POC1B: variants seen among roughly 807,000 people sequenced by gnomAD.
The protein encoded by POC1B is POC1 centriolar protein B.
POC1B carries 44 observed loss-of-function variants against 60.6 expected under a neutral mutation model. The observed-to-expected ratio is 0.73, with a 90% CI of 0.57 to 0.93. POC1B has a LOEUF of 0.93. Among genes scored for constraint, POC1B ranks in the 40% least tolerant of loss-of-function variants. The pLI, the probability that POC1B is intolerant of heterozygous loss-of-function variation, is 0.00. For synonymous variants in POC1B, 180 were observed against 198.9 expected, an observed-to-expected ratio of 0.90 and a Z score of 0.80; for missense variants, 555 against 572.3, an observed-to-expected ratio of 0.97 and a Z score of 0.31.
rs191070168 is a variant in POC1B at position 89,505,141 on chromosome 12, C to T, written c.101-7799G>A. 1.4e-4 allele frequency among the ~76,000 whole-genome samples: 21 copies of T among 152,184 alleles called. No individual in the cohort carries two copies. In the South Asian group the frequency reaches 1.9e-3, roughly 14 times the overall value. On this transcript the variant is annotated intron_variant, in intron 2 of 11. Transcript: ENST00000313546. ...TAAATTAAAACCACAATGAGATATC[C>T]GTGCACACTCATCAGAATGATTACA...
chr12:89,428,321 GA>G (rs1880861489), intron 10 of POC1B: 1 of 152,276 alleles, frequency 6.6e-6, no homozygotes, highest in South Asian at 2.1e-4. Context: ...CCCATCTTCA[GA>G]AATGCAGTCC....
At chr12:89,410,356 A>G in the POC1B span, among the ~76,000 whole-genome samples, 1 of 152,210 alleles carries the variant, frequency 6.6e-6, no homozygotes, top group Non-Finnish European at 1.5e-5. Flanking sequence ...ATCATACCAA[A>G]CGGGCAAAAG....
At chr12:89,486,440 CA>C (rs1228260248) in intron 4 of POC1B, among the ~76,000 whole-genome samples, 2 of 151,670 alleles carry the variant, frequency 1.3e-5, no homozygotes, top group Non-Finnish European at 2.9e-5. Flanking sequence ...AGGCACAAGG[CA>C]AAAAGGGTCA....
chr12:89,463,530 G>A (rs952707174), intron 9 of POC1B, among the ~76,000 whole-genome samples: 1 of 152,180 alleles, frequency 6.6e-6, no homozygotes, highest in Admixed American at 6.5e-5. Flanking sequence ...GCATGAACTA[G>A]TGATGTGCTA....
chr12:89,402,997 G>C, the POC1B span, among the ~76,000 whole-genome samples: 1 of 150,636 alleles, frequency 6.6e-6, no homozygotes, highest in Non-Finnish European at 1.5e-5. Flanking sequence ...ATCTTCACCT[G>C]GCCGACACAA....
At position 89,421,167 on chromosome 12, in the gene POC1B, G is replaced by A. The variant is rs148916260; in HGVS notation, c.1423C>T (p.Gln475Ter). 1.1e-5 allele frequency: 18 copies of A among 1,591,896 alleles called. No homozygotes were observed. In the African/African-American group the frequency reaches 1.9e-4, roughly 17 times the overall value. Residue 475 changes from glutamine to a stop codon, truncating the protein, a stop_gained, in exon 12 of 12, where the codon CAA (glutamine) becomes TAA (stop). Transcript: ENST00000313546. LOFTEE classifies it high-confidence loss of function. The part of the protein sequence containing the change: ...ENQQKLFSAV[Q>*]QKS The stretch of plus-strand genomic sequence containing the variant: ...GAATTTTTTATTCAGCTTTTCTGTT[G>A]GACAGCACTGAAAAGCTTTTGCTGA...
downstream of POC1B, among the ~76,000 whole-genome samples, chr12:89,418,414 G>A (rs1880402869): frequency 6.6e-6 from 1 of 152,194 alleles, no homozygotes; most frequent in Non-Finnish European, 1.5e-5. Context: ...GTTCTGTGCT[G>A]AAGAGCCACG....
chr12:89,497,821 A>T (rs1377637191), intron 2 of POC1B, among the ~76,000 whole-genome samples: 10 of 152,206 alleles, frequency 6.6e-5, no homozygotes, highest in Non-Finnish European at 1.2e-4. Context: ...AGTACAAATA[A>T]CACTAATATG....
chr12:89,421,326 G>T, intron 11 of POC1B, 69 bp from the exon 12 acceptor site: 1 of 1,292,922 alleles, frequency 7.7e-7, no homozygotes, highest in Non-Finnish European at 1.1e-6. Context: ...GACAATCTCT[G>T]CATAGGAAAT....
chr12:89,464,153 C>T (rs1195620157), intron 9 of POC1B, among the ~76,000 whole-genome samples: 1 of 152,016 alleles, frequency 6.6e-6, no homozygotes, highest in Non-Finnish European at 1.5e-5. Context: ...CTAATACTGA[C>T]CTCAAAAAAA....
At chr12:89,423,946 G>A (rs976498693) in intron 11 of POC1B, among the ~76,000 whole-genome samples, 1 of 152,202 alleles carries the variant, frequency 6.6e-6, no homozygotes, top group African/African-American at 2.4e-5. Flanking sequence ...ATGGCAATAT[G>A]GGAAACAAAC....
At chr12:89,501,901 T>C (rs900141492) in intron 2 of POC1B, 10 of 1,145,700 alleles carry the variant, frequency 8.7e-6, no homozygotes, top group Non-Finnish European at 1.2e-5. Context: ...TGCTAAAGGT[T>C]CTGGAGGTAT....
rs1179012758 is a variant in POC1B, at chr12:89,475,381, T to C, written c.453-3106A>G. 2.0e-5 allele frequency among the ~76,000 whole-genome samples: 3 copies of C among 152,268 alleles called. No homozygotes were observed. In the East Asian group the frequency reaches 5.8e-4, roughly 29 times the overall value. ...GGAGGCGAGGTTTCTACCATCAACT[T>C]AACAGAAACTAAAGGGGACTGAGGT... is the stretch of plus-strand genomic sequence containing the variant. On this transcript the variant is annotated intron_variant, in intron 4 of 11. Coordinates refer to ENST00000313546, the MANE Select transcript of POC1B (RefSeq NM_172240.3).
At chr12:89,490,685 G>T (rs926854978) in intron 4 of POC1B, among the ~76,000 whole-genome samples, 1 of 152,124 alleles carries the variant, frequency 6.6e-6, no homozygotes, top group Non-Finnish European at 1.5e-5. Context: ...TGCACTTTCA[G>T]TACTTTAGCA....
At chr12:89,416,343 G>GA (rs970315450), downstream of POC1B, among the ~76,000 whole-genome samples, 6 of 152,156 alleles carry the variant, frequency 3.9e-5, no homozygotes, top group African/African-American at 1.4e-4. Context: ...GGGTGACAGG[G>GA]AAAAAGCATG....
chr12:89,523,377 TTTGTATTCA>T (rs775080026), intron 2 of POC1B: 1 of 1,614,092 alleles, frequency 6.2e-7, no homozygotes, highest in South Asian at 1.1e-5. Flanking sequence ...AGAAGTGCTC[TTTGTATTCA>T]TCCATCCAAA....
intron 2 of POC1B, among the ~76,000 whole-genome samples, chr12:89,516,208 C>T (rs922269863): frequency 2.0e-5 from 3 of 152,172 alleles, no homozygotes; most frequent in African/African-American, 7.2e-5. Flanking sequence ...CCTACTATAA[C>T]GGCTTTCCCT....
chr12:89,432,947 T>C (rs538339773), intron 10 of POC1B, among the ~76,000 whole-genome samples: 1 of 152,148 alleles, frequency 6.6e-6, no homozygotes, highest in African/African-American at 2.4e-5. Flanking sequence ...GAAAGGTGAC[T>C]GGTGGCCCTT....
At chr12:89,496,212 A>T (rs1171700897) in intron 3 of POC1B, among the ~76,000 whole-genome samples, 1 of 151,942 alleles carries the variant, frequency 6.6e-6, no homozygotes, top group Non-Finnish European at 1.5e-5. Context: ...TGCAACCTAG[A>T]TCCCTCGCAT....
Sources: allele counts gnomAD v4.1 joint callset (sites outside exome capture counted in the v4.1 genomes callset), GRCh38; gene constraint gnomAD v4.1.1; transcripts MANE v1.5; gene names NCBI Gene and HGNC (gene_info 2026-07-23, HGNC 2026-07-21).